The following GABRG3 variants were observed in gnomAD, a reference collection of about 807,000 sequenced individuals.
GABRG3 encodes the protein gamma-aminobutyric acid receptor subunit gamma-3.
GABRG3 carries 25 observed loss-of-function variants against 48.8 expected under a neutral mutation model. That is an observed-to-expected ratio of 0.51 (90% CI 0.37 to 0.72). The LOEUF (loss-of-function observed/expected upper bound fraction) is 0.72. Among genes scored for constraint, GABRG3 ranks in the 30% least tolerant of loss-of-function variants. The pLI is 0.00. For missense variants in GABRG3, 394 were observed against 577.9 expected (o/e 0.68, Z 3.26); for synonymous variants, 227 against 217.6 (o/e 1.04, Z -0.38).
At chr15:27,336,909 A>G (rs1327007641) in intron 5 of GABRG3, among the ~76,000 whole-genome samples, 1 of 152,224 alleles carries the variant, frequency 6.6e-6, no homozygotes, top group Non-Finnish European at 1.5e-5. Flanking sequence ...GCCAGTCTCC[A>G]AAGGTCACAT....
At chr15:27,275,803 A>G (rs1891232037) in intron 3 of GABRG3, among the ~76,000 whole-genome samples, 1 of 152,242 alleles carries the variant, frequency 6.6e-6, no homozygotes, top group South Asian at 2.1e-4. Flanking sequence ...TGTAAACATT[A>G]GCCCCTGATT....
At chr15:27,197,375 C>T (rs1888527388) in intron 3 of GABRG3, among the ~76,000 whole-genome samples, 1 of 152,024 alleles carries the variant, frequency 6.6e-6, no homozygotes, top group Admixed American at 6.6e-5. Flanking sequence ...ATTATGTGAG[C>T]AAGAAGAAGT....
chr15:27,028,641 C>T (rs1896025202), intron 3 of GABRG3, among the ~76,000 whole-genome samples: 1 of 151,992 alleles, frequency 6.6e-6, no homozygotes, highest in South Asian at 2.1e-4. Flanking sequence ...CCTGACTCTA[C>T]TAAAAATATA....
At chr15:27,387,440 A>G (rs567308099) in intron 5 of GABRG3, among the ~76,000 whole-genome samples, 2 of 152,244 alleles carry the variant, frequency 1.3e-5, no homozygotes, top group South Asian at 2.1e-4. Flanking sequence ...AGCCTATTCA[A>G]CACTATTTTG....
chr15:27,348,155 C>CAAAAAAAAAAAAAAAAAAAAAAA lies in GABRG3; in HGVS notation c.574+19270_574+19271insAAAAAAAAAAAAAAAAAAAAAAA, dbSNP rs535295684. On this transcript the variant is annotated intron_variant, in intron 5 of 9. Coordinates refer to ENST00000615808, the MANE Select transcript of GABRG3 (RefSeq NM_033223.5). ...TGGGTGACAGAGCGAGACTCCATCT[C>CAAAAAAAAAAAAAAAAAAAAAAA]AAATAAATAAAGAGTTGGAGATTTT... Among the ~76,000 whole-genome samples the CAAAAAAAAAAAAAAAAAAAAAAA allele has an allele frequency of 2.9e-4, 30 of 102,966 alleles. 7 individuals are homozygous for CAAAAAAAAAAAAAAAAAAAAAAA. Among genetic ancestry groups the CAAAAAAAAAAAAAAAAAAAAAAA allele is most frequent in the African/African-American group, 1.3e-3 (28 of 21,948 alleles). The allele number at this position is 102,966 out of a possible 152,430, so 67.5% of individuals were successfully genotyped here. A position where few individuals can be genotyped will look rare whatever the true frequency, so the allele number is the denominator to read the frequency against.
At chr15:27,332,064 A>G (rs574952534) in intron 5 of GABRG3, among the ~76,000 whole-genome samples, 8 of 152,374 alleles carry the variant, frequency 5.3e-5, no homozygotes, top group African/African-American at 1.7e-4. Flanking sequence ...TTCACTATTC[A>G]TAAATGAGAA....
intron 5 of GABRG3, among the ~76,000 whole-genome samples, chr15:27,406,486 A>T (rs887356747): frequency 3.9e-5 from 6 of 152,204 alleles, no homozygotes; most frequent in African/African-American, 1.4e-4. Context: ...TGATGTGTTG[A>T]GAATAGCAAA....
intron 3 of GABRG3, among the ~76,000 whole-genome samples, chr15:27,028,092 C>T (rs774226743): frequency 7.9e-5 from 12 of 152,124 alleles, no homozygotes; most frequent in Non-Finnish European, 1.8e-4. Flanking sequence ...TCGTGTTAGG[C>T]TTTGTTATTG....
At chr15:27,369,562 A>G (rs1479218494) in intron 5 of GABRG3, among the ~76,000 whole-genome samples, 1 of 152,108 alleles carries the variant, frequency 6.6e-6, no homozygotes, top group Non-Finnish European at 1.5e-5. Context: ...TCATCCCTCT[A>G]ATCCCAACAC....
At chr15:27,115,078 A>C (rs1897618107) in intron 3 of GABRG3, among the ~76,000 whole-genome samples, 1 of 152,188 alleles carries the variant, frequency 6.6e-6, no homozygotes, top group South Asian at 2.1e-4. Context: ...GTTGTAAATA[A>C]AAATGAAATA....
intron 5 of GABRG3, among the ~76,000 whole-genome samples, chr15:27,450,737 G>A (rs943671047): frequency 2.0e-5 from 3 of 151,688 alleles, no homozygotes; most frequent in African/African-American, 7.3e-5. Flanking sequence ...GGGGGTGGGG[G>A]GGTGGCATCC....
intron 3 of GABRG3, among the ~76,000 whole-genome samples, chr15:27,196,751 G>A (rs1197343880): frequency 1.3e-5 from 2 of 152,316 alleles, no homozygotes; most frequent in South Asian, 2.1e-4. Flanking sequence ...ATCTGCGGTT[G>A]TCAGCCCCAG....
At chr15:27,448,909 G>A (rs1004944978) in intron 5 of GABRG3, among the ~76,000 whole-genome samples, 20 of 152,188 alleles carry the variant, frequency 1.3e-4, no homozygotes, top group African/African-American at 4.1e-4. Context: ...TTCCCAAATT[G>A]TCTTTCACAG....
intron 9 of GABRG3, among the ~76,000 whole-genome samples, chr15:27,529,464 G>A (rs892088865): frequency 3.9e-5 from 6 of 151,980 alleles, no homozygotes; most frequent in African/African-American, 7.3e-5. Flanking sequence ...CCCATAAGCC[G>A]CAGGTGGTTT....
intron 5 of GABRG3, among the ~76,000 whole-genome samples, chr15:27,333,235 C>T (rs1458596331): frequency 6.6e-6 from 1 of 152,158 alleles, no homozygotes; most frequent in East Asian, 1.9e-4. Context: ...CAACAAATTA[C>T]TGCAAACTTA....
chr15:27,426,893 C>G lies in GABRG3; in HGVS notation c.575-53757C>G, dbSNP rs192651056. ...TCCTCTGCTGCTTCTCTGGTTGTGG[C>G]TTGCACTGCATGATGCTTTCAGTCC... On this transcript the variant is annotated intron_variant, in intron 5 of 9. Transcript: ENST00000615808. 3.1e-3 allele frequency among the ~76,000 whole-genome samples: 474 copies of G among 152,238 alleles called. 1 individual carries two copies. Among genetic ancestry groups the G allele is most frequent in the Non-Finnish European group, 5.5e-3 (376 of 68,026 alleles).
chr15:27,509,238 A>G (rs924018105), intron 6 of GABRG3, among the ~76,000 whole-genome samples: 2 of 152,086 alleles, frequency 1.3e-5, no homozygotes, highest in Non-Finnish European at 2.9e-5. Flanking sequence ...GCAAAAATGT[A>G]TCTTTTTTTC....
chr15:27,212,713 G>A (rs534976892), intron 3 of GABRG3, among the ~76,000 whole-genome samples: 2 of 152,142 alleles, frequency 1.3e-5, no homozygotes, highest in East Asian at 3.9e-4. Flanking sequence ...TTGTACTCAC[G>A]AAACACTAAC....
intron 6 of GABRG3, among the ~76,000 whole-genome samples, chr15:27,514,978 T>A (rs532570069): frequency 6.6e-6 from 1 of 152,176 alleles, no homozygotes; most frequent in South Asian, 2.1e-4. Context: ...CCTGGGTTAT[T>A]AAGGAACAAA....
Sources: allele counts gnomAD v4.1 joint callset (sites outside exome capture counted in the v4.1 genomes callset), GRCh38; gene constraint gnomAD v4.1.1; transcripts MANE v1.5; gene names NCBI Gene and HGNC (gene_info 2026-07-23, HGNC 2026-07-21).